The following ZNF233 variants were observed in gnomAD, a reference collection of about 807,000 sequenced individuals.
The protein encoded by ZNF233 is zinc finger protein 233.
ZNF233 carries 7 observed loss-of-function variants against 11.6 expected under a neutral mutation model. The observed-to-expected ratio is 0.60, with a 90% CI of 0.34 to 1.13. The LOEUF is 1.13. Ranked by LOEUF, ZNF233 falls within the 50% of genes most tolerant of loss-of-function variation. The pLI is 0.03. For missense variants in ZNF233, 711 were observed against 785.5 expected, an observed-to-expected ratio of 0.91 and a Z score of 1.13; for synonymous variants, 226 against 268.5, an observed-to-expected ratio of 0.84 and a Z score of 1.55.
chr19:44,261,915 G>C, intron 1 of ZNF233, among the ~76,000 whole-genome samples: 1 of 152,142 alleles, frequency 6.6e-6, no homozygotes, highest in South Asian at 2.1e-4. Flanking sequence ...ACCTCCTAAA[G>C]TGCTGGGATT....
Position 44,266,907 on chromosome 19 carries a change from AAAG to A in ZNF233, c.189_191del (p.Glu63del). ...ACTAGATGTGATATTACAGTTGGGA[AAAG>A]AAGACAAGCTTCGGATGATGGAGAC... is the stretch of plus-strand genomic sequence containing the variant. On this transcript the variant is annotated inframe_deletion, in exon 4 of 5. Transcript: ENST00000683810. 1 of 1,614,106 alleles carries A rather than the reference AAAG, an allele frequency of 6.2e-7. No homozygotes were observed. The highest frequency in any genetic ancestry group is 8.5e-7 in the Non-Finnish European group (1 of 1,179,992).
rs752842706 is a variant in ZNF233, at chr19:44,274,644, T to TA, written c.1984_1985insA (p.Leu662TyrfsTer29). 1.2e-6 allele frequency: 2 copies of TA among 1,606,786 alleles called. No individual in the cohort carries two copies. ...TGGTAAGGGCTTTAGTAAGAGTTCG[T>TA]TGTCTTCAGATTCATCAGAGAGTCC... On this transcript the variant is annotated frameshift_variant, in exon 5 of 5. Coordinates refer to ENST00000683810, the MANE Select transcript of ZNF233 (RefSeq NM_001207005.2). LOFTEE classifies it low-confidence loss of function (END_TRUNC).
chr19:44,266,583 G>C (rs923865628), intron 3 of ZNF233, among the ~76,000 whole-genome samples: 1 of 152,100 alleles, frequency 6.6e-6, no homozygotes, highest in African/African-American at 2.4e-5. Flanking sequence ...ATAGCTCCTT[G>C]TCAGGAACTG....
chr19:44,274,349 CT>C lies in ZNF233; in HGVS notation c.1690del (p.Tyr564ThrfsTer142). ...AGCAAGTCCATACTGGAGAGAATCC[CT>C]ACAAATGTGATGTGTGTGGGAAAGG... ...HQQVHTGENP[Y>X]KCDVCGKGFS... On this transcript the variant is annotated frameshift_variant, in exon 5 of 5. Transcript: ENST00000683810. LOFTEE classifies it low-confidence loss of function (END_TRUNC). 6.2e-7 allele frequency: 1 copy of C among 1,613,666 alleles called. No individual in the cohort carries two copies. The highest frequency in any genetic ancestry group is 1.1e-5 in the South Asian group (1 of 91,052).
intron 1 of ZNF233, among the ~76,000 whole-genome samples, chr19:44,263,171 C>G (rs1484061313): frequency 6.6e-6 from 1 of 152,190 alleles, no homozygotes; most frequent in East Asian, 1.9e-4. Flanking sequence ...AGTCATAATT[C>G]ATATACCATA....
intron 4 of ZNF233, among the ~76,000 whole-genome samples, chr19:44,271,246 T>A (rs569434894): frequency 7.9e-5 from 12 of 152,332 alleles, no homozygotes; most frequent in Non-Finnish European, 1.6e-4. Context: ...GGTACTATCT[T>A]ATGGGTTCAT....
rs781618530 is a variant in ZNF233, at chr19:44,273,987, C to T, written c.1327C>T (p.Gln443Ter). Reference sequence around the variant, plus strand: ...ATTTAATAGGAATTCTGGTCTTCACCAGAGAGTTCACACTGGAGAGAAACC... The same window carrying T: ...ATTTAATAGGAATTCTGGTCTTCACTAGAGAGTTCACACTGGAGAGAAACC... ...RIFNRNSGLH[Q>*]RVHTGEKPYK... Residue 443 changes from glutamine (Q) to a stop codon, truncating the protein, a stop_gained, in exon 5 of 5, where the codon CAG becomes TAG. Coordinates refer to ENST00000683810, the MANE Select transcript of ZNF233 (RefSeq NM_001207005.2). LOFTEE classifies it low-confidence loss of function (END_TRUNC). The T allele has an allele frequency of 8.7e-6, 14 of 1,613,192 alleles. No individual in the cohort carries two copies. In the South Asian group the frequency reaches 1.5e-4, roughly 18 times the overall value.
Position 44,273,753 on chromosome 19 carries a change from C to T in ZNF233, c.1093C>T (p.Pro365Ser). The change falls in exon 5 of 5, where the codon CCA becomes TCA. Residue 365 changes from proline (P) to serine (S), a missense_variant. Transcript: ENST00000683810. ...TCTTCCCTCTCATGAGCTTACTCAC[C>T]CAGGAGAGAAGTTGTGTACATGTGG... ...SCLPSHELTH[P>S]GEKLCTCGRC... is the part of the protein sequence containing the mutation. The T allele has an allele frequency of 6.2e-7, 1 of 1,614,114 alleles. No individual in the cohort carries two copies. Among genetic ancestry groups the T allele is most frequent in the African/African-American group, 1.3e-5 (1 of 75,020 alleles).
intron 4 of ZNF233, among the ~76,000 whole-genome samples, chr19:44,269,179 A>C (rs981682237): frequency 6.6e-6 from 1 of 151,492 alleles, no homozygotes; most frequent in Non-Finnish European, 1.5e-5. Flanking sequence ...TTTTGTGTAT[A>C]AACCTAAAAC....
At position 44,266,900 on chromosome 19, in the gene ZNF233, G is replaced by T; in HGVS notation, c.177G>T (p.Gln59His). The T allele has an allele frequency of 2.5e-6, 4 of 1,613,968 alleles. No individual in the cohort carries two copies. Among genetic ancestry groups the T allele is most frequent in the Non-Finnish European group, 3.4e-6 (4 of 1,179,932 alleles). The change falls in exon 4 of 5, where the codon CAG becomes CAT. Residue 59 changes from glutamine (Q) to histidine (H), a missense_variant. Gln to His is a conservative substitution (Grantham distance 24, BLOSUM62 0). Coordinates refer to ENST00000683810, the MANE Select transcript of ZNF233 (RefSeq NM_001207005.2). ...YQPFKLDVILQLGKEDKLRMM... is the reference protein window; with the variant it reads ...YQPFKLDVILHLGKEDKLRMM... ...CCTTCAAACTAGATGTGATATTACA[G>T]TTGGGAAAAGAAGACAAGCTTCGGA...
In ZNF233 at chr19:44,266,847, T is replaced by G. The variant is rs1975098966; in HGVS notation, c.143-19T>G. 1 of 1,591,774 alleles carries G rather than the reference T, an allele frequency of 6.3e-7. No homozygotes were observed. The highest frequency in any genetic ancestry group is 8.6e-7 in the Non-Finnish European group (1 of 1,163,352). ...CTATAATGCATTCACTTTATATATA[T>G]GCCATTTCTTTTTCACAGGCTATCA... On this transcript the variant is annotated intron_variant, in intron 3 of 4. Coordinates refer to ENST00000683810, the MANE Select transcript of ZNF233 (RefSeq NM_001207005.2).
chr19:44,265,875 A>G (rs1206751413), intron 2 of ZNF233, among the ~76,000 whole-genome samples: 2 of 152,248 alleles, frequency 1.3e-5, no homozygotes, highest in African/African-American at 4.8e-5. Context: ...ATTTGGTAGT[A>G]TCAGTCAAGT....
chr19:44,271,934 C>G (rs1339534720), intron 4 of ZNF233, among the ~76,000 whole-genome samples: 1 of 151,058 alleles, frequency 6.6e-6, no homozygotes, highest in African/African-American at 2.4e-5. Context: ...ATACATAAGT[C>G]TTGGTATTGG....
intron 4 of ZNF233, among the ~76,000 whole-genome samples, 186 bp from the exon 5 acceptor site, chr19:44,272,713 T>C (rs112329816): frequency 6.1e-4 from 92 of 152,056 alleles, no homozygotes; most frequent in African/African-American, 2.0e-3. Flanking sequence ...CCAGCCTGGG[T>C]GACAGAGCGA....
chr19:44,269,296 GT>G (rs1165961635), intron 4 of ZNF233, among the ~76,000 whole-genome samples: 1 of 142,370 alleles, frequency 7.0e-6, no homozygotes, highest in Non-Finnish European at 1.5e-5. Context: ...GACTGTTTTT[GT>G]TTTTTTTTTC....
At chr19:44,264,494 T>C in intron 2 of ZNF233, 119 bp downstream of exon 2, 1 of 902,324 alleles carries the variant, frequency 1.1e-6, no homozygotes, top group Non-Finnish European at 1.6e-6. Flanking sequence ...TGGAATCTGC[T>C]AGTTACTTGA....
chr19:44,260,475 G>A (rs1464208830), intron 1 of ZNF233, among the ~76,000 whole-genome samples: 1 of 152,168 alleles, frequency 6.6e-6, no homozygotes, highest in Admixed American at 6.5e-5. Flanking sequence ...TCTGATCTCT[G>A]CACCTCGCGA....
intron 4 of ZNF233, among the ~76,000 whole-genome samples, 178 bp from the exon 5 acceptor site, chr19:44,272,721 C>T (rs1213822038): frequency 4.0e-5 from 6 of 151,706 alleles, no homozygotes; most frequent in East Asian, 1.9e-4. Context: ...GGTGACAGAG[C>T]GAGACTCCGT....
intron 4 of ZNF233, chr19:44,268,181 TACA>T (rs1568634769): frequency 2.0e-5 from 3 of 151,914 alleles, no homozygotes; most frequent in East Asian, 1.9e-4. Context: ...CATACATACA[TACA>T]TTTAATTAAA....
Sources: allele counts gnomAD v4.1 joint callset (sites outside exome capture counted in the v4.1 genomes callset), GRCh38; gene constraint gnomAD v4.1.1; transcripts MANE v1.5; gene names NCBI Gene and HGNC (gene_info 2026-07-23, HGNC 2026-07-21).